Variants in RSPO4 observed in about 807,000 individuals in gnomAD.
RSPO4 encodes the protein R-spondin 4.
In RSPO4, 23 loss-of-function variants were observed where a neutral mutation model predicts 24.8. That is an observed-to-expected ratio of 0.93 (90% confidence interval 0.67 to 1.31). RSPO4 has a LOEUF of 1.31. RSPO4 is among the 40% of genes most tolerant of loss of function. RSPO4 has a pLI of 0.00. For synonymous variants in RSPO4, 141 were observed against 127.4 expected (o/e 1.11, Z -0.72); for missense variants, 333 against 316.5 (o/e 1.05, Z -0.39).
chr20:970,213 C>G lies in RSPO4; in HGVS notation c.80-2075G>C, dbSNP rs970197090. ...ACAGAAATGGGGTTCATGGTGGAGGCAGGGCAGGCTCTCTGCCCAGCCCTG... is the reference window on the plus strand; with the variant it reads ...ACAGAAATGGGGTTCATGGTGGAGGGAGGGCAGGCTCTCTGCCCAGCCCTG... On this transcript the variant is annotated intron_variant, in intron 1 of 4. Coordinates refer to ENST00000217260, the MANE Select transcript of RSPO4 (RefSeq NM_001029871.4). This position sits in a 1 kb window ranked among gnomAD's most constrained non-coding sequence, Gnocchi z 4.1. Among the ~76,000 whole-genome samples, 2 of 152,050 alleles carry G rather than the reference C, an allele frequency of 1.3e-5. No individual in the cohort carries two copies. The highest frequency in any genetic ancestry group is 2.4e-5 in the African/African-American group (1 of 41,414).
In RSPO4 at chr20:959,872, C is replaced by T. The variant is rs1983928914; in HGVS notation, c.*485G>A. 1 of 171,728 alleles carries T rather than the reference C, an allele frequency of 5.8e-6. No individual in the cohort carries two copies. The highest frequency in any genetic ancestry group is 5.6e-5 in the Admixed American group (1 of 17,746). The allele number at this position is 171,728 out of a possible 1,614,324, so 10.6% of individuals were successfully genotyped here. ...CCTTCAGGATTCACCTGTGCTGTGTCCCAGCTTTGCCCTCTGGAAACCCTT... is the reference window on the plus strand; with the variant it reads ...CCTTCAGGATTCACCTGTGCTGTGTTCCAGCTTTGCCCTCTGGAAACCCTT... On this transcript the variant is annotated 3_prime_UTR_variant, in exon 5 of 5. Coordinates refer to ENST00000217260, the MANE Select transcript of RSPO4 (RefSeq NM_001029871.4).
intron 1 of RSPO4, among the ~76,000 whole-genome samples, chr20:990,844 G>A (rs1472235345): frequency 6.6e-6 from 1 of 152,218 alleles, no homozygotes; most frequent in African/African-American, 2.4e-5. Context: ...CTCCATCAGA[G>A]TAGGGGAAAG....
chr20:964,819 CACACACACACACATAT>C (rs1183788586), intron 3 of RSPO4, among the ~76,000 whole-genome samples: 2 of 91,236 alleles, frequency 2.2e-5, no homozygotes, highest in Non-Finnish European at 4.7e-5. Context: ...CACACACACA[CACACACACACACATAT>C]ATATATATAT....
intron 1 of RSPO4, among the ~76,000 whole-genome samples, chr20:988,516 T>G (rs1285157089): frequency 3.3e-5 from 5 of 152,146 alleles, no homozygotes; most frequent in Non-Finnish European, 7.4e-5. Context: ...GTGCAGCACA[T>G]AGCACATGCT....
chr20:982,903 G>T (rs1055912542), intron 1 of RSPO4, among the ~76,000 whole-genome samples: 1 of 152,238 alleles, frequency 6.6e-6, no homozygotes, highest in Non-Finnish European at 1.5e-5. Flanking sequence ...CTTTGGCTGA[G>T]TAGGACGTCT....
chr20:1,000,900 A>G (rs951534518), intron 1 of RSPO4, among the ~76,000 whole-genome samples: 1 of 152,092 alleles, frequency 6.6e-6, no homozygotes, highest in African/African-American at 2.4e-5. Flanking sequence ...CAATTCTCCC[A>G]CAGCCTCTGT....
At chr20:1,000,718 GC>G (rs938999781) in intron 1 of RSPO4, among the ~76,000 whole-genome samples, 1 of 152,164 alleles carries the variant, frequency 6.6e-6, no homozygotes, top group African/African-American at 2.4e-5. Flanking sequence ...CAGAGCCCAT[GC>G]CCCTAACTAC....
chr20:973,947 G>A (rs909027236), intron 1 of RSPO4, among the ~76,000 whole-genome samples: 2 of 152,030 alleles, frequency 1.3e-5, no homozygotes, highest in Admixed American at 1.3e-4. Context: ...TTTGACTTCC[G>A]GTAGCCTGTC....
intron 1 of RSPO4, among the ~76,000 whole-genome samples, 178 bp downstream of exon 1, chr20:1,001,908 G>T (rs756607662): frequency 3.9e-5 from 6 of 152,094 alleles, no homozygotes; most frequent in Non-Finnish European, 7.4e-5. Context: ...TCGCTCACTG[G>T]GTGCCCTGGA....
Position 959,445 on chromosome 20 carries a change from G to C in RSPO4, c.*912C>G, listed in dbSNP as rs2122200802. 1 of 152,592 alleles carries C rather than the reference G, an allele frequency of 6.6e-6. No individual in the cohort carries two copies. Among genetic ancestry groups the C allele is most frequent in the Non-Finnish European group, 1.5e-5 (1 of 68,204 alleles). 9.5% of individuals were successfully genotyped at this position (152,592 alleles called of 1,614,324 possible). A position where few individuals can be genotyped will look rare whatever the true frequency, so the allele number is the denominator to read the frequency against. On this transcript the variant is annotated 3_prime_UTR_variant, in exon 5 of 5. Coordinates refer to ENST00000217260, the MANE Select transcript of RSPO4 (RefSeq NM_001029871.4). The stretch of plus-strand genomic sequence containing the variant: ...GCAGGAAGCGCTGAGGTGGGGAACA[G>C]AGCTGCTGGATAATCTCAGCTTTCC...
intron 1 of RSPO4, among the ~76,000 whole-genome samples, chr20:1,000,585 T>A (rs1031105979): frequency 6.6e-6 from 1 of 152,172 alleles, no homozygotes; most frequent in Non-Finnish European, 1.5e-5. Flanking sequence ...GAGAAAGATC[T>A]CAGAGATCTT....
In RSPO4 at chr20:960,324, G is replaced by A. The variant is rs747967944; in HGVS notation, c.*33C>T. ...GCAGGAGGAGGTGTGCAGGGGCCGA[G>A]GACTAGGACCAGAGAGTCGGGAGAG... is the stretch of plus-strand genomic sequence containing the variant. On this transcript the variant is annotated 3_prime_UTR_variant, in exon 5 of 5. Transcript: ENST00000217260. 9 of 1,435,864 alleles carry A rather than the reference G, an allele frequency of 6.3e-6. No homozygotes were observed. The highest frequency in any genetic ancestry group is 1.2e-5 in the South Asian group (1 of 82,004). The allele number at this position is 1,435,864 out of a possible 1,614,324, so 88.9% of individuals were successfully genotyped here. A position where few individuals can be genotyped will look rare whatever the true frequency, so the allele number is the denominator to read the frequency against.
At chr20:999,670 G>C (rs963080127) in intron 1 of RSPO4, among the ~76,000 whole-genome samples, 2 of 152,120 alleles carry the variant, frequency 1.3e-5, no homozygotes, top group African/African-American at 4.8e-5. Context: ...ATCAGGTACT[G>C]GAGGAGGGAT....
At chr20:979,867 C>A (rs1227636689) in intron 1 of RSPO4, among the ~76,000 whole-genome samples, 1 of 152,088 alleles carries the variant, frequency 6.6e-6, no homozygotes, top group African/African-American at 2.4e-5. Context: ...CACCCTATTC[C>A]TCTCCCACGT....
chr20:981,579 C>T lies in RSPO4; in HGVS notation c.80-13441G>A, dbSNP rs1984736639. The stretch of plus-strand genomic sequence containing the variant: ...TAAAAATAAAATATCAAATGGGCAA[C>T]CTGACTCCTTTCGCCACTCATAGGA... On this transcript the variant is annotated intron_variant, in intron 1 of 4. Coordinates refer to ENST00000217260, the MANE Select transcript of RSPO4 (RefSeq NM_001029871.4). This position sits in a 1 kb window ranked among gnomAD's most constrained non-coding sequence, Gnocchi z 4.6. Among the ~76,000 whole-genome samples the T allele has an allele frequency of 6.6e-6, 1 of 152,154 alleles. No homozygotes were observed.
chr20:1,000,816 C>T (rs538011540), intron 1 of RSPO4, among the ~76,000 whole-genome samples: 1 of 152,318 alleles, frequency 6.6e-6, no homozygotes, highest in African/African-American at 2.4e-5. Context: ...TCTCTAGTCC[C>T]TTGTCCCACT....
chr20:990,547 CTTCT>C (rs1039833409), intron 1 of RSPO4, among the ~76,000 whole-genome samples: 6 of 147,130 alleles, frequency 4.1e-5, no homozygotes, highest in Non-Finnish European at 7.5e-5. Flanking sequence ...CTTTTTCTTT[CTTCT>C]TTCTTTCTCA....
intron 1 of RSPO4, among the ~76,000 whole-genome samples, chr20:998,575 T>A (rs1405050226): frequency 6.6e-6 from 1 of 152,158 alleles, no homozygotes; most frequent in Admixed American, 6.5e-5. Context: ...TCAAGCAGGC[T>A]CAGAGAGGGC....
At position 970,787 on chromosome 20, in the gene RSPO4, C is replaced by T. The variant is rs1282779261; in HGVS notation, c.80-2649G>A. Among the ~76,000 whole-genome samples the T allele has an allele frequency of 3.3e-5, 5 of 152,302 alleles. No homozygotes were observed. Among genetic ancestry groups the T allele is most frequent in the Admixed American group, 3.3e-4 (5 of 15,306 alleles). ...GTGTAAACTTCGGGGAAAAATCTAG[C>T]AGTACCTAATAAATTTGGAGATGTC... is the stretch of plus-strand genomic sequence containing the variant. On this transcript the variant is annotated intron_variant, in intron 1 of 4. Coordinates refer to ENST00000217260, the MANE Select transcript of RSPO4 (RefSeq NM_001029871.4). The surrounding 1 kb of genome is among the most constrained non-coding windows in gnomAD (Gnocchi z 4.1).
Sources: allele counts gnomAD v4.1 joint callset (sites outside exome capture counted in the v4.1 genomes callset), GRCh38; gene constraint gnomAD v4.1.1; non-coding constraint Gnocchi (gnomAD v3.1); transcripts MANE v1.5; gene names NCBI Gene and HGNC (gene_info 2026-07-23, HGNC 2026-07-21).